Variants in CDKL2 observed in about 807,000 individuals in gnomAD.
The protein encoded by CDKL2 is cyclin dependent kinase like 2, also known as cyclin-dependent kinase-like 2.
Under a neutral mutation model 63.9 loss-of-function variants are expected in CDKL2, and 64 were observed. The ratio of observed to expected loss-of-function variants is 1.00; its 90% CI spans 0.82 to 1.23. CDKL2 has a LOEUF of 1.23. Ranked by LOEUF, CDKL2 falls within the 50% of genes most tolerant of loss-of-function variation. The probability of loss-of-function intolerance (pLI) is 0.00; values close to 1 mark genes in which losing one functional copy is unlikely to be tolerated. For synonymous variants in CDKL2, 211 were observed against 229.2 expected (o/e 0.92, Z 0.72); for missense variants, 656 against 668.0 (o/e 0.98, Z 0.20).
intron 1 of CDKL2, among the ~76,000 whole-genome samples, chr4:75,626,304 C>CTAATAAAA (rs1376792624): frequency 6.6e-6 from 1 of 152,156 alleles, no homozygotes; most frequent in African/African-American, 2.4e-5. Flanking sequence ...AATGAAATTC[C>CTAATAAAA]ATATATTTTT....
intron 3 of CDKL2, among the ~76,000 whole-genome samples, chr4:75,611,458 C>CAAA (rs71203834): frequency 3.9e-4 from 30 of 76,578 alleles, no homozygotes; most frequent in African/African-American, 5.4e-4. Flanking sequence ...GATTCTGTCT[C>CAAA]AAAAAAAAAA....
At chr4:75,582,289 C>T (rs1021292696) in intron 12 of CDKL2, among the ~76,000 whole-genome samples, 13 of 152,104 alleles carry the variant, frequency 8.5e-5, no homozygotes, top group African/African-American at 2.9e-4. Flanking sequence ...GGAAAACATA[C>T]TTGAAATGAA....
At chr4:75,598,250 G>A in intron 7 of CDKL2, 38 bp from the exon 8 acceptor site, 2 of 1,141,952 alleles carry the variant, frequency 1.8e-6, no homozygotes, top group East Asian at 2.8e-5. Context: ...TGTAAGACAT[G>A]GATAAACCTA....
intron 12 of CDKL2, among the ~76,000 whole-genome samples, chr4:75,582,772 TA>T (rs1466844330): frequency 6.6e-6 from 1 of 151,976 alleles, no homozygotes; most frequent in Non-Finnish European, 1.5e-5. Flanking sequence ...AGATAAAAAT[TA>T]AATCTTGAAA....
intron 12 of CDKL2, among the ~76,000 whole-genome samples, chr4:75,582,895 C>T (rs531110934): frequency 6.0e-4 from 92 of 152,222 alleles, no homozygotes; most frequent in African/African-American, 2.2e-3. Context: ...CTTTATAGTG[C>T]TGGGAGGAAA....
chr4:75,603,581 T>C (rs867099383), intron 6 of CDKL2, among the ~76,000 whole-genome samples: 10 of 150,816 alleles, frequency 6.6e-5, no homozygotes, highest in Admixed American at 2.0e-4. Flanking sequence ...ATACAAAAAA[T>C]TAGCCAGGCA....
intron 1 of CDKL2, among the ~76,000 whole-genome samples, chr4:75,629,737 C>T (rs968455250): frequency 1.3e-5 from 2 of 151,968 alleles, no homozygotes; most frequent in African/African-American, 4.8e-5. Flanking sequence ...GTTGCGAGTT[C>T]GAGACCAGCC....
chr4:75,602,393 T>C (rs1729234504), intron 6 of CDKL2, among the ~76,000 whole-genome samples: 1 of 152,164 alleles, frequency 6.6e-6, no homozygotes, highest in Admixed American at 6.5e-5. Context: ...TTGGCCAGGA[T>C]GGTCTTGAAC....
intron 12 of CDKL2, among the ~76,000 whole-genome samples, chr4:75,587,495 G>A (rs1182145024): frequency 6.6e-6 from 1 of 152,004 alleles, no homozygotes; most frequent in African/African-American, 2.4e-5. Flanking sequence ...AGAATGCTAT[G>A]AACAACGTCA....
chr4:75,581,784 C>A, intron 13 of CDKL2, 26 bp downstream of exon 13: 1 of 1,337,218 alleles, frequency 7.5e-7, no homozygotes, highest in Non-Finnish European at 1.1e-6. Context: ...GGCTGCACAG[C>A]TTTAAGTATG....
rs1321367300 is a variant in CDKL2 at position 75,592,170 on chromosome 4, C to T, written c.1516G>A (p.Glu506Lys). The T allele has an allele frequency of 1.2e-5, 19 of 1,534,942 alleles. No individual in the cohort carries two copies. In the East Asian group the frequency reaches 4.4e-4, roughly 36 times the overall value. Residue 506 changes from glutamate (E) to lysine (K), a missense_variant, in exon 11 of 14, where the codon GAA (glutamate) becomes AAA (lysine). Glu to Lys is a moderately conservative substitution (Grantham distance 56). Transcript: ENST00000307465. The part of the protein sequence containing the change: ...LPELNYNHLP[E>K]LRALGGIARN... ...CCTATGCCTCCCAGTGCTCTTAGTT[C>T]AGGGAGATGATTATAGTTTAGTTCA...
rs1481511100 is a variant in CDKL2, at chr4:75,576,905, CA to C, written c.*2296del. Among the ~76,000 whole-genome samples the C allele has an allele frequency of 1.3e-5, 2 of 152,148 alleles. No homozygotes were observed. Among genetic ancestry groups the C allele is most frequent in the Non-Finnish European group, 2.9e-5 (2 of 68,012 alleles). ...AACCAGGTTCTGTCACAACTATTAC[CA>C]GTTAGTCTTTATAAGAAATGTTATT... On this transcript the variant is annotated 3_prime_UTR_variant, in exon 14 of 14. Coordinates refer to ENST00000307465, the MANE Select transcript of CDKL2 (RefSeq NM_001330724.2).
At chr4:75,622,536 T>C (rs1730193872) in intron 2 of CDKL2, among the ~76,000 whole-genome samples, 1 of 151,560 alleles carries the variant, frequency 6.6e-6, no homozygotes. Flanking sequence ...CTGGCCGACA[T>C]GGTGAAACCC....
intron 12 of CDKL2, among the ~76,000 whole-genome samples, chr4:75,582,256 A>G (rs1202438904): frequency 6.6e-6 from 1 of 152,224 alleles, no homozygotes; most frequent in Non-Finnish European, 1.5e-5. Context: ...AGCAGCCCTT[A>G]TAACTCTGCT....
At chr4:75,622,755 G>T (rs947040400) in intron 2 of CDKL2, among the ~76,000 whole-genome samples, 3 of 61,340 alleles carry the variant, frequency 4.9e-5, no homozygotes, top group Non-Finnish European at 1.1e-4. Flanking sequence ...CAGACAAGAA[G>T]ACCAAGAAAC....
chr4:75,595,982 AAGG>A (rs1728904967), intron 10 of CDKL2: 24 of 164,212 alleles, frequency 1.5e-4, no homozygotes, highest in African/African-American at 1.3e-3. Flanking sequence ...GGAAAGAAGG[AAGG>A]AAGGAAGGAA....
chr4:75,604,618 T>G (rs145722941), intron 5 of CDKL2, among the ~76,000 whole-genome samples: 19 of 152,310 alleles, frequency 1.2e-4, no homozygotes, highest in African/African-American at 3.8e-4. Flanking sequence ...AGTCCAAATC[T>G]GTGCCAAGAT....
At chr4:75,586,227 CTTT>C (rs61087984) in intron 12 of CDKL2, among the ~76,000 whole-genome samples, 75 of 145,238 alleles carry the variant, frequency 5.2e-4, no homozygotes, top group Admixed American at 1.1e-3. Context: ...ACTAACCTTT[CTTT>C]TTTTTTTTTT....
At chr4:75,615,732 C>G (rs1052580943) in intron 2 of CDKL2, among the ~76,000 whole-genome samples, 1 of 152,208 alleles carries the variant, frequency 6.6e-6, no homozygotes, top group Non-Finnish European at 1.5e-5. Context: ...GTGGCTCACA[C>G]CTGTAATCCC....
Sources: allele counts gnomAD v4.1 joint callset (sites outside exome capture counted in the v4.1 genomes callset), GRCh38; gene constraint gnomAD v4.1.1; transcripts MANE v1.5; gene names NCBI Gene and HGNC (gene_info 2026-07-23, HGNC 2026-07-21).